Variants in CWC27 observed in about 807,000 individuals in gnomAD.
The protein encoded by CWC27 is spliceosome-associated protein CWC27 homolog.
Under a neutral mutation model 63.6 loss-of-function variants are expected in CWC27, and 47 were observed. That is an observed-to-expected ratio of 0.74 (90% CI 0.58 to 0.94). CWC27 has a LOEUF of 0.94. CWC27 is among the 40% of genes least tolerant of loss of function. CWC27 has a pLI of 0.00. For synonymous variants in CWC27, 175 were observed against 179.8 expected, an observed-to-expected ratio of 0.97 and a Z score of 0.22; for missense variants, 495 against 554.3, an observed-to-expected ratio of 0.89 and a Z score of 1.07.
intron 11 of CWC27, among the ~76,000 whole-genome samples, chr5:64,959,774 G>T (rs978125242): frequency 2.6e-5 from 4 of 152,192 alleles, no homozygotes; most frequent in Non-Finnish European, 1.5e-5. Context: ...AGACACTGTT[G>T]TAATTCAGGA....
At chr5:64,864,954 G>T (rs1293697326) in intron 10 of CWC27, among the ~76,000 whole-genome samples, 1 of 151,840 alleles carries the variant, frequency 6.6e-6, no homozygotes, top group Admixed American at 6.6e-5. Context: ...ATTAACCATG[G>T]TCATCATGTT....
At chr5:64,847,503 A>G (rs1203873478) in intron 10 of CWC27, among the ~76,000 whole-genome samples, 4 of 152,204 alleles carry the variant, frequency 2.6e-5, no homozygotes, top group African/African-American at 9.7e-5. Flanking sequence ...TAATAAGGAA[A>G]CACTGGACTG....
chr5:64,986,277 A>G (rs1433243822), intron 13 of CWC27, among the ~76,000 whole-genome samples: 2 of 152,242 alleles, frequency 1.3e-5, no homozygotes, highest in African/African-American at 2.4e-5. Context: ...ACTGTCTTCC[A>G]AAGTGTCTCT....
chr5:65,014,148 T>G (rs1750010842), intron 13 of CWC27, among the ~76,000 whole-genome samples: 1 of 149,816 alleles, frequency 6.7e-6, no homozygotes, highest in Non-Finnish European at 1.5e-5. Flanking sequence ...ACCACTTTCC[T>G]GTCAAACACA....
At chr5:64,831,810 A>C (rs539541204) in intron 10 of CWC27, among the ~76,000 whole-genome samples, 3 of 152,084 alleles carry the variant, frequency 2.0e-5, no homozygotes, top group African/African-American at 7.2e-5. Context: ...TGCCAAAAAA[A>C]ATTGAGTGGT....
At chr5:64,796,682 G>A (rs993835327) in intron 7 of CWC27, among the ~76,000 whole-genome samples, 2 of 151,982 alleles carry the variant, frequency 1.3e-5, no homozygotes, top group African/African-American at 4.8e-5. Context: ...TCCACACAGA[G>A]TTAGAGATTG....
chr5:64,957,300 C>A (rs1420017596), intron 11 of CWC27, among the ~76,000 whole-genome samples: 2 of 151,890 alleles, frequency 1.3e-5, no homozygotes, highest in Non-Finnish European at 2.9e-5. Context: ...TTTCTTACTG[C>A]TACAACACGG....
chr5:64,971,613 C>A (rs1580756753), intron 11 of CWC27, 90 bp from the exon 12 acceptor site: 3 of 1,010,944 alleles, frequency 3.0e-6, no homozygotes, highest in South Asian at 2.2e-5. Flanking sequence ...CAAGTGCCAA[C>A]CTCCTCTTCA....
chr5:64,923,967 C>T (rs2112393687), intron 11 of CWC27, among the ~76,000 whole-genome samples: 1 of 152,048 alleles, frequency 6.6e-6, no homozygotes, highest in East Asian at 1.9e-4. Context: ...TTTGCTATCC[C>T]TCATCCCTAC....
At chr5:64,789,371 C>A (rs967450750) in intron 7 of CWC27, among the ~76,000 whole-genome samples, 10 of 151,822 alleles carry the variant, frequency 6.6e-5, no homozygotes, top group Non-Finnish European at 1.2e-4. Context: ...GACCAAAACT[C>A]TTATATTCAT....
intron 13 of CWC27, among the ~76,000 whole-genome samples, chr5:64,986,284 C>T (rs1749425693): frequency 6.6e-6 from 1 of 152,164 alleles, no homozygotes; most frequent in Non-Finnish European, 1.5e-5. Flanking sequence ...TCCAAAGTGT[C>T]TCTACCATTT....
intron 10 of CWC27, among the ~76,000 whole-genome samples, chr5:64,819,919 C>G (rs1373762966): frequency 6.6e-6 from 1 of 152,134 alleles, no homozygotes; most frequent in African/African-American, 2.4e-5. Context: ...TTTGAATTAC[C>G]TTAATTCATG....
rs866695841 is a variant in CWC27, at chr5:64,796,525, C to T, written c.670-3723C>T. Among the ~76,000 whole-genome samples the T allele has an allele frequency of 2.1e-4, 32 of 152,078 alleles. 1 individual carries two copies. Among genetic ancestry groups the T allele is most frequent in the Admixed American group, 1.1e-3 (17 of 15,246 alleles). ...TTCAACTGATTAGATGGGGCCCACC[C>T]ACATTATGGAGTGTAATCTGCTTTC... On this transcript the variant is annotated intron_variant, in intron 7 of 13. Transcript: ENST00000381070.
chr5:64,849,068 A>G (rs749032529), intron 10 of CWC27, among the ~76,000 whole-genome samples: 3 of 152,174 alleles, frequency 2.0e-5, no homozygotes, highest in Non-Finnish European at 2.9e-5. Context: ...CTGACAACAC[A>G]ATGTTATATG....
At chr5:64,787,685 T>C (rs1743934994) in intron 6 of CWC27, among the ~76,000 whole-genome samples, 1 of 152,082 alleles carries the variant, frequency 6.6e-6, no homozygotes, top group African/African-American at 2.4e-5. Context: ...ATATTCTACA[T>C]TATTAATACT....
chr5:64,942,254 C>T (rs968928976), intron 11 of CWC27, among the ~76,000 whole-genome samples: 5 of 151,084 alleles, frequency 3.3e-5, no homozygotes, highest in African/African-American at 9.7e-5. Context: ...GTAAGACCCC[C>T]GTCTCTACAA....
chr5:64,812,225 TA>T (rs886709775), intron 10 of CWC27, among the ~76,000 whole-genome samples: 2 of 151,748 alleles, frequency 1.3e-5, no homozygotes, highest in African/African-American at 2.4e-5. Flanking sequence ...TAGTACAAAT[TA>T]AAAAAAACAG....
At chr5:64,776,097 GA>G (rs1743437959) in intron 2 of CWC27, among the ~76,000 whole-genome samples, 2 of 150,464 alleles carry the variant, frequency 1.3e-5, no homozygotes, top group Admixed American at 1.3e-4. Context: ...GAGAGAGAGA[GA>G]GAGAGAGAGA....
At chr5:64,842,221 A>T (rs1233960161) in intron 10 of CWC27, among the ~76,000 whole-genome samples, 1 of 152,152 alleles carries the variant, frequency 6.6e-6, no homozygotes, top group Non-Finnish European at 1.5e-5. Context: ...AAGTTTGCTT[A>T]CCCCTGGTTT....
Sources: allele counts gnomAD v4.1 joint callset (sites outside exome capture counted in the v4.1 genomes callset), GRCh38; gene constraint gnomAD v4.1.1; transcripts MANE v1.5; gene names NCBI Gene and HGNC (gene_info 2026-07-23, HGNC 2026-07-21).